The following NRXN1 variants were observed in gnomAD, a reference collection of about 807,000 sequenced individuals.
NRXN1 encodes neurexin-1.
NRXN1 carries 39 observed loss-of-function variants against 150.9 expected under a neutral mutation model. The ratio of observed to expected loss-of-function variants is 0.26; its 90% CI spans 0.20 to 0.34. The LOEUF (loss-of-function observed/expected upper bound fraction) is 0.34, where lower values mean the gene tolerates loss of function less well. NRXN1 is among the 10% of genes least tolerant of loss of function. The pLI is 1.00. For synonymous variants in NRXN1, 924 were observed against 757.0 expected (o/e 1.22, Z -3.62); for missense variants, 1,815 against 1,949.9 (o/e 0.93, Z 1.30).
chr2:50,257,745 T>G (rs1317026225), intron 17 of NRXN1, among the ~76,000 whole-genome samples: 1 of 151,872 alleles, frequency 6.6e-6, no homozygotes, highest in East Asian at 1.9e-4. Context: ...GAAAGATAAT[T>G]TAAAGAGTAT....
intron 8 of NRXN1, among the ~76,000 whole-genome samples, chr2:50,571,975 T>TA (rs1670734739): frequency 6.6e-6 from 1 of 152,132 alleles, no homozygotes; most frequent in Non-Finnish European, 1.5e-5. Context: ...TCTCGATTTT[T>TA]GGCAGGGTAC....
intron 2 of NRXN1, among the ~76,000 whole-genome samples, chr2:50,937,679 G>C (rs932318539): frequency 6.6e-6 from 1 of 152,092 alleles, no homozygotes; most frequent in African/African-American, 2.4e-5. Flanking sequence ...CAATGATGAT[G>C]ATGCAGAATA....
chr2:50,464,953 G>A (rs2088659119), intron 17 of NRXN1, among the ~76,000 whole-genome samples: 1 of 151,926 alleles, frequency 6.6e-6, no homozygotes, highest in Middle Eastern at 3.4e-3. Flanking sequence ...TAAGATACAA[G>A]GGAGAATGGC....
At chr2:50,813,586 G>C (rs1668524580) in intron 5 of NRXN1, among the ~76,000 whole-genome samples, 1 of 152,024 alleles carries the variant, frequency 6.6e-6, no homozygotes, top group Non-Finnish European at 1.5e-5. Context: ...CATCAACCTT[G>C]TTATAAGATT....
chr2:50,122,382 C>T (rs1262254342), intron 18 of NRXN1, among the ~76,000 whole-genome samples: 1 of 152,214 alleles, frequency 6.6e-6, no homozygotes. Flanking sequence ...TTAATGAGGT[C>T]CAAAGTAATG....
intron 8 of NRXN1, among the ~76,000 whole-genome samples, chr2:50,601,494 C>T (rs563139037): frequency 1.3e-5 from 2 of 152,210 alleles, no homozygotes; most frequent in East Asian, 1.9e-4. Flanking sequence ...AAATAACTCT[C>T]CGTAATTATG....
At chr2:49,937,731 G>C (rs1445411527) in intron 22 of NRXN1, among the ~76,000 whole-genome samples, 1 of 152,128 alleles carries the variant, frequency 6.6e-6, no homozygotes. Flanking sequence ...TCTGGCTGCA[G>C]CTCAAAATCC....
In NRXN1 at chr2:50,620,118, C is replaced by G; in HGVS notation, c.1224G>C (p.Leu408=). The G allele has an allele frequency of 3.1e-6, 5 of 1,613,482 alleles. No homozygotes were observed. The highest frequency in any genetic ancestry group is 4.2e-6 in the Non-Finnish European group (5 of 1,179,666). ...TGYTQEDYTM[L]GSDDFFYVGG... ...CAACATAGAAAAAGTCATCAGACCCCAGCATGGTATAATCTTCTTGCGTGT... is the reference window on the plus strand; with the variant it reads ...CAACATAGAAAAAGTCATCAGACCCGAGCATGGTATAATCTTCTTGCGTGT... The change falls in exon 8 of 23, where the codon CTG becomes CTC. Residue 408 remains leucine (L), a synonymous_variant. Coordinates refer to ENST00000401669, the MANE Select transcript of NRXN1 (RefSeq NM_001330078.2).
intron 1 of NRXN1, among the ~76,000 whole-genome samples, chr2:51,031,289 G>A (rs941447250): frequency 6.6e-6 from 1 of 152,046 alleles, no homozygotes; most frequent in Non-Finnish European, 1.5e-5. Context: ...CAGACTAACA[G>A]CATCATTAAT....
At chr2:50,353,039 G>T (rs537159444) in intron 17 of NRXN1, among the ~76,000 whole-genome samples, 1 of 151,946 alleles carries the variant, frequency 6.6e-6, no homozygotes, top group Non-Finnish European at 1.5e-5. Context: ...GAGTGCTGGG[G>T]ATCAAGATGA....
At position 49,990,359 on chromosome 2, in the gene NRXN1, G is replaced by A. The variant is rs112717473; in HGVS notation, c.4129-46568C>T. ...AGCGAGGAAAGACAAAAGGAAGGAG[G>A]GAGAGCCAGGTGGCCAGATGGAAGT... On this transcript the variant is annotated intron_variant, in intron 21 of 22. Coordinates refer to ENST00000401669, the MANE Select transcript of NRXN1 (RefSeq NM_001330078.2). Among the ~76,000 whole-genome samples the A allele has an allele frequency of 6.4e-3, 974 of 152,276 alleles. 13 individuals carry two copies. The highest frequency in any genetic ancestry group is 0.022 in the African/African-American group (933 of 41,564).
At chr2:50,418,011 T>A (rs545135638) in intron 17 of NRXN1, among the ~76,000 whole-genome samples, 3 of 151,962 alleles carry the variant, frequency 2.0e-5, no homozygotes, top group African/African-American at 7.2e-5. Flanking sequence ...TGACCAAATG[T>A]GCATTTTAGA....
chr2:50,527,470 A>T (rs1157728316), intron 12 of NRXN1, among the ~76,000 whole-genome samples: 1 of 151,670 alleles, frequency 6.6e-6, no homozygotes, highest in Non-Finnish European at 1.5e-5. Flanking sequence ...AATGCCTGGG[A>T]TATTGGTTAT....
chr2:50,219,975 A>AT (rs1491470411), intron 18 of NRXN1, among the ~76,000 whole-genome samples: 3 of 25,754 alleles, frequency 1.2e-4, no homozygotes, highest in African/African-American at 6.8e-4. Context: ...ATATATATAT[A>AT]ATATATATAT....
chr2:49,987,017 G>T (rs1681027961), intron 21 of NRXN1, among the ~76,000 whole-genome samples: 2 of 151,868 alleles, frequency 1.3e-5, no homozygotes, highest in South Asian at 4.2e-4. Flanking sequence ...GTGAGCCACT[G>T]CGTTCCAGCT....
intron 5 of NRXN1, among the ~76,000 whole-genome samples, chr2:50,659,065 C>T (rs573787918): frequency 6.6e-6 from 1 of 152,110 alleles, no homozygotes; most frequent in South Asian, 2.1e-4. Context: ...CCCTCTGGCC[C>T]TTTTTCAGTC....
intron 5 of NRXN1, among the ~76,000 whole-genome samples, chr2:50,684,807 C>CTT (rs1389645424): frequency 1.3e-5 from 2 of 152,266 alleles, no homozygotes; most frequent in East Asian, 3.9e-4. Flanking sequence ...GTTTCCTATA[C>CTT]TTTATTTTAG....
At chr2:50,680,558 C>CCCA in intron 5 of NRXN1, among the ~76,000 whole-genome samples, 1 of 152,136 alleles carries the variant, frequency 6.6e-6, no homozygotes, top group East Asian at 1.9e-4. Context: ...CAACTGGATC[C>CCCA]TTTCAAATAT....
intron 5 of NRXN1, among the ~76,000 whole-genome samples, chr2:50,757,747 G>GT (rs1701326234): frequency 6.6e-6 from 1 of 151,666 alleles, no homozygotes; most frequent in Admixed American, 6.6e-5. Flanking sequence ...AAAGTTGAGG[G>GT]TTACAAGACT....
Sources: gnomAD v4.1 joint callset for allele counts (sites outside exome capture counted in the v4.1 genomes callset) on GRCh38, gnomAD v4.1.1 for gene constraint, MANE v1.5 for transcripts, NCBI Gene and HGNC (gene_info 2026-07-23, HGNC 2026-07-21) for gene names.